MGST1: variants seen among roughly 807,000 people sequenced by gnomAD.
MGST1 encodes the protein microsomal glutathione S-transferase 1.
MGST1 carries 5 observed loss-of-function variants against 8.9 expected under a neutral mutation model. That is an observed-to-expected ratio of 0.56 (90% CI 0.29 to 1.19). The LOEUF (loss-of-function observed/expected upper bound fraction) is 1.19, where lower values mean the gene tolerates loss of function less well. Ranked by LOEUF, MGST1 falls within the 50% of genes most tolerant of loss-of-function variation. MGST1 has a pLI of 0.08. For missense variants in MGST1, 182 were observed against 187.4 expected, an observed-to-expected ratio of 0.97 and a Z score of 0.17; for synonymous variants, 54 against 67.8, an observed-to-expected ratio of 0.80 and a Z score of 1.00.
chr12:16,485,595 C>A (rs2137150416), intron 4 of MGST1, among the ~76,000 whole-genome samples: 1 of 152,310 alleles, frequency 6.6e-6, no homozygotes, highest in Middle Eastern at 3.4e-3. Flanking sequence ...TTTTACCGTT[C>A]TCACTATTGT....
chr12:16,415,363 C>T (rs879391769), intron 1 of MGST1, among the ~76,000 whole-genome samples: 1 of 141,238 alleles, frequency 7.1e-6, no homozygotes, highest in Non-Finnish European at 1.5e-5. Flanking sequence ...ATTTCCATGG[C>T]CATGAATAAA....
At chr12:16,579,343 G>T (rs1481608228) in intron 4 of MGST1, among the ~76,000 whole-genome samples, 1 of 152,166 alleles carries the variant, frequency 6.6e-6, no homozygotes, top group African/African-American at 2.4e-5. Flanking sequence ...GGAGGTCTTT[G>T]GTGAGCCTCA....
intron 4 of MGST1, among the ~76,000 whole-genome samples, chr12:16,487,614 C>T (rs1941407990): frequency 6.6e-6 from 1 of 152,062 alleles, no homozygotes; most frequent in Non-Finnish European, 1.5e-5. Context: ...GGAACACTAC[C>T]AGAGAAATAA....
At chr12:16,558,361 C>G (rs1470530459) in intron 4 of MGST1, among the ~76,000 whole-genome samples, 1 of 152,004 alleles carries the variant, frequency 6.6e-6, no homozygotes, top group East Asian at 1.9e-4. Flanking sequence ...AGTAGAAAAG[C>G]AATGACTTTA....
At chr12:16,565,310 G>A (rs1942561611) in intron 4 of MGST1, among the ~76,000 whole-genome samples, 2 of 152,168 alleles carry the variant, frequency 1.3e-5, no homozygotes, top group African/African-American at 4.8e-5. Context: ...CAGATTGAAG[G>A]ACAATTGCTT....
intron 4 of MGST1, among the ~76,000 whole-genome samples, chr12:16,461,622 C>G (rs1398268994): frequency 6.6e-6 from 1 of 151,998 alleles, no homozygotes; most frequent in Admixed American, 6.6e-5. Flanking sequence ...GGGTTCGAAC[C>G]CATGAGAAAA....
intron 4 of MGST1, among the ~76,000 whole-genome samples, chr12:16,577,878 C>T (rs1260425107): frequency 6.6e-6 from 1 of 152,110 alleles, no homozygotes; most frequent in Non-Finnish European, 1.5e-5. Context: ...ATTATGGCTG[C>T]CAGATTTAGG....
At position 16,576,941 on chromosome 12, in the gene MGST1, T is replaced by G. The variant is rs749077216; in HGVS notation, n.483-12587T>G. Among the ~76,000 whole-genome samples the G allele has an allele frequency of 6.6e-6, 1 of 152,178 alleles. No individual in the cohort carries two copies. Among genetic ancestry groups the G allele is most frequent in the East Asian group, 1.9e-4 (1 of 5,196 alleles). On this transcript the variant is annotated intron_variant and non_coding_transcript_variant, in intron 4 of 4. Coordinates refer to the MGST1 transcript ENST00000538857. The surrounding 1 kb of genome is among the most constrained non-coding windows in gnomAD (Gnocchi z 4.1). ...TTTCCTAAACTATCTATTTTAGAAA[T>G]AACCCAATAAGGGCAAAGCTATATG...
rs1020594228 is a variant in MGST1, at chr12:16,362,317, T to C, written c.222-1478T>C. On this transcript the variant is annotated intron_variant, in intron 3 of 3. Transcript: ENST00000396210. The surrounding 1 kb of genome is among the most constrained non-coding windows in gnomAD (Gnocchi z 4.4). ...CACCATCCTCTCTTTGCTTTTATTC[T>C]GTATTGAAGCCTTTTCAAATCATTA... Among the ~76,000 whole-genome samples, 5 of 151,694 alleles carry C rather than the reference T, an allele frequency of 3.3e-5. No individual in the cohort carries two copies. Among genetic ancestry groups the C allele is most frequent in the African/African-American group, 7.3e-5 (3 of 40,994 alleles).
intron 1 of MGST1, among the ~76,000 whole-genome samples, chr12:16,387,956 A>G (rs1271471992): frequency 6.6e-6 from 1 of 151,910 alleles, no homozygotes; most frequent in African/African-American, 2.4e-5. Context: ...GCAATAGTCT[A>G]CACCATATAG....
intron 4 of MGST1, among the ~76,000 whole-genome samples, chr12:16,457,510 A>G (rs1475762340): frequency 1.3e-5 from 2 of 151,882 alleles, no homozygotes; most frequent in African/African-American, 4.8e-5. Flanking sequence ...CTTCCGTGAT[A>G]TTTATCTTAC....
At chr12:16,572,251 A>G (rs1006533753) in intron 4 of MGST1, among the ~76,000 whole-genome samples, 1 of 151,952 alleles carries the variant, frequency 6.6e-6, no homozygotes, top group African/African-American at 2.4e-5. Flanking sequence ...AAGGAATTAC[A>G]ATAAAACCTG....
In MGST1 at chr12:16,401,533, T is replaced by C; in HGVS notation, n.778+17929T>C. ...TAAAAAGTTGTAATTTTCTTGAACT[T>C]CCTGAGGAGGATCAGCCATCAAAGT... On this transcript the variant is annotated intron_variant and non_coding_transcript_variant, in intron 1 of 1. Coordinates refer to the MGST1 transcript ENST00000359720. This position sits in a 1 kb window ranked among gnomAD's most constrained non-coding sequence, Gnocchi z 4.3. 1 of 1,001,206 alleles carries C rather than the reference T, an allele frequency of 1.0e-6. No homozygotes were observed. Among genetic ancestry groups the C allele is most frequent in the South Asian group, 1.3e-5 (1 of 75,612 alleles). The allele number at this position is 1,001,206 out of a possible 1,614,324, so 62.0% of individuals were successfully genotyped here.
At chr12:16,435,992 TAC>T (rs35784515) in intron 1 of MGST1, among the ~76,000 whole-genome samples, 4 of 149,190 alleles carry the variant, frequency 2.7e-5, no homozygotes, top group Non-Finnish European at 4.5e-5. Flanking sequence ...CTGCTGCAAA[TAC>T]ACACACACAC....
chr12:16,454,234 T>C (rs2137116301), intron 4 of MGST1, among the ~76,000 whole-genome samples: 1 of 152,030 alleles, frequency 6.6e-6, no homozygotes, highest in East Asian at 1.9e-4. Context: ...GTACAAATGA[T>C]TTCATTTAGG....
intron 4 of MGST1, among the ~76,000 whole-genome samples, chr12:16,463,115 T>A (rs1467061783): frequency 6.6e-6 from 1 of 152,156 alleles, no homozygotes; most frequent in African/African-American, 2.4e-5. Context: ...CTTAAAAAAC[T>A]AAGCAAAAGG....
intron 1 of MGST1, among the ~76,000 whole-genome samples, chr12:16,393,183 T>C (rs569573903): frequency 1.3e-5 from 2 of 152,338 alleles, no homozygotes; most frequent in African/African-American, 4.8e-5. Flanking sequence ...CTTTGGAAGA[T>C]GCCTGTGCAA....
chr12:16,377,845 G>A (rs1022959986), downstream of MGST1, among the ~76,000 whole-genome samples: 1 of 150,594 alleles, frequency 6.6e-6, no homozygotes, highest in Admixed American at 6.6e-5. Context: ...ATTCTAACTG[G>A]TGTGAGATGG....
chr12:16,414,748 C>A (rs991462069), intron 1 of MGST1, among the ~76,000 whole-genome samples: 21 of 152,112 alleles, frequency 1.4e-4, no homozygotes, highest in Admixed American at 4.6e-4. Context: ...TTCAGCTGGG[C>A]ACAGTGGCTC....
Sources: gnomAD v4.1 joint callset for allele counts (sites outside exome capture counted in the v4.1 genomes callset) on GRCh38, gnomAD v4.1.1 for gene constraint, Gnocchi (gnomAD v3.1) non-coding constraint, MANE v1.5 for transcripts, NCBI Gene and HGNC (gene_info 2026-07-23, HGNC 2026-07-21) for gene names.